The following PECAM1 variants were observed in gnomAD, a reference collection of about 807,000 sequenced individuals.
PECAM1 encodes the protein platelet endothelial cell adhesion molecule.
PECAM1 carries 8 observed loss-of-function variants against 13.8 expected under a neutral mutation model. That is an observed-to-expected ratio of 0.58 (90% confidence interval 0.34 to 1.05). The LOEUF (loss-of-function observed/expected upper bound fraction) is 1.05. Among genes scored for constraint, PECAM1 ranks in the 50% least tolerant of loss-of-function variants. PECAM1 has a pLI of 0.03. For missense variants in PECAM1, 304 were observed against 141.2 expected, an observed-to-expected ratio of 2.15 and a Z score of -5.84; for synonymous variants, 136 against 52.6, an observed-to-expected ratio of 2.58 and a Z score of -6.86.
chr17:64,357,155 C>T (rs1178243814), intron 7 of PECAM1, among the ~76,000 whole-genome samples: 1 of 152,194 alleles, frequency 6.6e-6, no homozygotes, highest in Non-Finnish European at 1.5e-5. Context: ...CCCTTCTTAC[C>T]TGGCACCCCT....
At chr17:64,348,367 T>C (rs1226148275) in intron 12 of PECAM1, 45 bp from the exon 13 acceptor site, 5 of 474,110 alleles carry the variant, frequency 1.1e-5, no homozygotes, top group Middle Eastern at 6.0e-4. Context: ...GTGGAATCTC[T>C]TGTGGGCACC....
chr17:64,327,528 G>A (rs571951580), intron 15 of PECAM1, among the ~76,000 whole-genome samples: 3 of 152,174 alleles, frequency 2.0e-5, no homozygotes. Flanking sequence ...TCCAGGAAGG[G>A]GGGAGGCGAG....
At chr17:64,334,571 C>T (rs907822042) in intron 14 of PECAM1, among the ~76,000 whole-genome samples, 8 of 151,904 alleles carry the variant, frequency 5.3e-5, no homozygotes, top group Non-Finnish European at 7.4e-5. Context: ...TGCACTGGTG[C>T]GATCTTGGCT....
chr17:64,351,511 G>A (rs2035722857), intron 11 of PECAM1, among the ~76,000 whole-genome samples: 1 of 152,150 alleles, frequency 6.6e-6, no homozygotes, highest in African/African-American at 2.4e-5. Flanking sequence ...GATTTCTTAA[G>A]CCCAGGAGTC....
intron 2 of PECAM1, among the ~76,000 whole-genome samples, chr17:64,383,131 C>T (rs955173426): frequency 2.6e-5 from 4 of 152,316 alleles, no homozygotes; most frequent in Non-Finnish European, 5.9e-5. Flanking sequence ...CACTCCACTG[C>T]GTGCTCTCCA....
Position 64,322,526 on chromosome 17 carries a change from A to AT in PECAM1, c.*1289dup. ...TCTGCAAAGAGCAAAGGTCAAATTT[A>AT]TTTAATACAACATCCACGAGGGTCC... On this transcript the variant is annotated 3_prime_UTR_variant, in exon 16 of 16. Coordinates refer to ENST00000563924, the MANE Select transcript of PECAM1 (RefSeq NM_000442.5). 1 of 985,428 alleles carries AT rather than the reference A, an allele frequency of 1.0e-6. No homozygotes were observed. The highest frequency in any genetic ancestry group is 1.2e-6 in the Non-Finnish European group (1 of 829,950). The allele number at this position is 985,428 out of a possible 1,614,324, so 61.0% of individuals were successfully genotyped here.
chr17:64,364,603 C>T (rs1447804431), intron 5 of PECAM1, among the ~76,000 whole-genome samples: 65 of 148,974 alleles, frequency 4.4e-4, no homozygotes, highest in African/African-American at 1.5e-3. Context: ...TCCAGCAGCA[C>T]ATCAAAAAGC....
chr17:64,358,504 C>A (rs1249827912), intron 7 of PECAM1, among the ~76,000 whole-genome samples: 1 of 152,114 alleles, frequency 6.6e-6, no homozygotes, highest in Non-Finnish European at 1.5e-5. Context: ...CTTCTCTGCC[C>A]ACCCATTCTC....
chr17:64,355,084 C>T (rs1365748685), intron 8 of PECAM1, 44 bp from the exon 9 acceptor site: 3 of 467,002 alleles, frequency 6.4e-6, no homozygotes, highest in Admixed American at 3.3e-5. Flanking sequence ...TATATAGGCT[C>T]TTCCTCTGCC....
At position 64,319,656 on chromosome 17, in the gene PECAM1, G is replaced by A. The variant is rs1386011389; in HGVS notation, c.*4160C>T. 1 of 152,198 alleles carries A rather than the reference G, an allele frequency of 6.6e-6. No homozygotes were observed. The highest frequency in any genetic ancestry group is 1.5e-5 in the Non-Finnish European group (1 of 68,050). The allele number at this position is 152,198 out of a possible 1,614,324, so 9.4% of individuals were successfully genotyped here. A position where few individuals can be genotyped will look rare whatever the true frequency, so the allele number is the denominator to read the frequency against. ...GCACTTGGAAGGGGTCGCATGCACA[G>A]TGTGATTACTGAAGTTGCGCGCATG... On this transcript the variant is annotated 3_prime_UTR_variant, in exon 16 of 16. Coordinates refer to ENST00000563924, the MANE Select transcript of PECAM1 (RefSeq NM_000442.5).
rs144762318 is a variant in PECAM1 at position 64,326,232 on chromosome 17, C to T, written c.2188-2387G>A. Among the ~76,000 whole-genome samples, 1,075 of 152,318 alleles carry T rather than the reference C, an allele frequency of 7.1e-3. 12 individuals carry two copies. The highest frequency in any genetic ancestry group is 0.02 in the Middle Eastern group (6 of 294). On this transcript the variant is annotated intron_variant, in intron 15 of 15. Transcript: ENST00000563924. ...CACTATTCTGGACCCTCCATGTGCA[C>T]AGGACACTCTGCTGCAGGTGGAACT...
rs2035637961 is a variant in PECAM1, at chr17:64,348,535, G to A, written c.2045-213C>T. Among the ~76,000 whole-genome samples the A allele has an allele frequency of 4.6e-5, 7 of 151,748 alleles. No individual in the cohort carries two copies. In the South Asian group the frequency reaches 1.5e-3, roughly 32 times the overall value. On this transcript the variant is annotated intron_variant, in intron 12 of 15. Transcript: ENST00000563924. ...TGATTCTCCTGCCTAAGCCTCCTGAGTAGCTGGGATTACAGGTGTGCACCA... is the reference window on the plus strand; with the variant it reads ...TGATTCTCCTGCCTAAGCCTCCTGAATAGCTGGGATTACAGGTGTGCACCA...
chr17:64,375,245 T>G lies in PECAM1; in HGVS notation c.497A>C (p.Glu166Ala). ...EEKAPIHFTI[E>A]KLELNEKMVK... The stretch of plus-strand genomic sequence containing the variant: ...CATTTTTTCATTTAGTTCAAGTTTT[T>G]CAATTGTGAAGTGTATTGGGGCCTT... The change falls in exon 4 of 16, where the codon GAA becomes GCA. Residue 166 changes from glutamate to alanine, a missense_variant. Physicochemically the swap from Glu to Ala is moderately radical, Grantham distance 107. Transcript: ENST00000563924. The G allele has an allele frequency of 2.1e-6, 1 of 475,404 alleles. No homozygotes were observed. The highest frequency in any genetic ancestry group is 3.9e-6 in the Non-Finnish European group (1 of 259,048). 29.4% of individuals were successfully genotyped at this position (475,404 alleles called of 1,614,324 possible).
intron 13 of PECAM1, among the ~76,000 whole-genome samples, chr17:64,346,516 A>G (rs1483317069): frequency 6.6e-6 from 1 of 152,048 alleles, no homozygotes; most frequent in Non-Finnish European, 1.5e-5. Flanking sequence ...TTGTATTTTT[A>G]GTAGAGACAG....
In PECAM1 at chr17:64,323,315, G is replaced by T; in HGVS notation, c.*501C>A. The T allele has an allele frequency of 9.6e-7, 1 of 1,037,512 alleles. No homozygotes were observed. The highest frequency in any genetic ancestry group is 1.7e-5 in the African/African-American group (1 of 58,322). 64.3% of individuals were successfully genotyped at this position (1,037,512 alleles called of 1,614,324 possible). ...TAGAGGGGACAGGGGGAGGCTGTCT[G>T]GTCAGCACTGTGTATTTCCAAAGAA... On this transcript the variant is annotated 3_prime_UTR_variant, in exon 16 of 16. Coordinates refer to ENST00000563924, the MANE Select transcript of PECAM1 (RefSeq NM_000442.5).
At chr17:64,356,058 G>A (rs2035839437) in intron 8 of PECAM1, 53 bp downstream of exon 8, 1 of 474,748 alleles carries the variant, frequency 2.1e-6, no homozygotes, top group Non-Finnish European at 3.9e-6. Flanking sequence ...TGTGTTTTCT[G>A]GTCTTGCCCT....
chr17:64,328,078 G>C (rs1327148944), intron 15 of PECAM1, among the ~76,000 whole-genome samples: 1 of 152,220 alleles, frequency 6.6e-6, no homozygotes, highest in African/African-American at 2.4e-5. Context: ...CCAGTCATGG[G>C]TGAGCTCTCA....
chr17:64,384,462 A>C (rs925230989), intron 2 of PECAM1, among the ~76,000 whole-genome samples: 4 of 152,128 alleles, frequency 2.6e-5, no homozygotes, highest in Non-Finnish European at 5.9e-5. Context: ...AACATTAACC[A>C]ACAAAATACT....
chr17:64,321,466 G>A lies in PECAM1; in HGVS notation c.*2350C>T. On this transcript the variant is annotated 3_prime_UTR_variant, in exon 16 of 16. Transcript: ENST00000563924. ...AGGGAAAGTAATTTTAAACTCATGTGTGCTCCACAGGCCGGGGGCGGTGGC... is the reference window on the plus strand; with the variant it reads ...AGGGAAAGTAATTTTAAACTCATGTATGCTCCACAGGCCGGGGGCGGTGGC... The A allele has an allele frequency of 1.0e-6, 1 of 990,382 alleles. No homozygotes were observed. The highest frequency in any genetic ancestry group is 1.2e-6 in the Non-Finnish European group (1 of 832,378). The allele number at this position is 990,382 out of a possible 1,614,324, so 61.3% of individuals were successfully genotyped here.
Sources: gnomAD v4.1 joint callset for allele counts (sites outside exome capture counted in the v4.1 genomes callset) on GRCh38, gnomAD v4.1.1 for gene constraint, MANE v1.5 for transcripts, NCBI Gene and HGNC (gene_info 2026-07-23, HGNC 2026-07-21) for gene names.